Variants in RYR2 observed in about 807,000 individuals in gnomAD.
The protein encoded by RYR2 is ryanodine receptor 2.
A neutral mutation model predicts 601.1 loss-of-function variants in RYR2; 227 were observed. The observed-to-expected ratio is 0.38, with a 90% CI of 0.34 to 0.42. The LOEUF (loss-of-function observed/expected upper bound fraction) is 0.42. RYR2 is among the 10% of genes least tolerant of loss of function. The probability of loss-of-function intolerance (pLI) is 1.00; values close to 1 mark genes in which losing one functional copy is unlikely to be tolerated. For synonymous variants in RYR2, 2,223 were observed against 2,175.1 expected (o/e 1.02, Z -0.61); for missense variants, 4,646 against 6,156.5 (o/e 0.75, Z 8.21).
At chr1:237,526,890 A>G (rs916991370) in intron 24 of RYR2, among the ~76,000 whole-genome samples, 3 of 152,144 alleles carry the variant, frequency 2.0e-5, no homozygotes, top group Non-Finnish European at 4.4e-5. Flanking sequence ...CATAAACTCT[A>G]CCTAGGCCAA....
At chr1:237,769,785 T>G (rs1431077288) in intron 84 of RYR2, among the ~76,000 whole-genome samples, 1 of 151,980 alleles carries the variant, frequency 6.6e-6, no homozygotes. Flanking sequence ...TTCACTGGCT[T>G]TTTTGTCATT....
intron 22 of RYR2, among the ~76,000 whole-genome samples, chr1:237,503,811 G>A (rs556690398): frequency 7.9e-4 from 120 of 152,170 alleles, no homozygotes; most frequent in African/African-American, 2.8e-3. Context: ...GGGTTCAAGC[G>A]ATTCTCCTGT....
chr1:237,511,995 G>T (rs1184872189), intron 24 of RYR2, among the ~76,000 whole-genome samples: 1 of 152,042 alleles, frequency 6.6e-6, no homozygotes, highest in Non-Finnish European at 1.5e-5. Flanking sequence ...ATGTCCTCTT[G>T]TTCTACATCA....
chr1:237,378,917 C>T (rs78095833), intron 8 of RYR2, among the ~76,000 whole-genome samples: 2,279 of 152,258 alleles, frequency 0.015, 21 homozygotes, highest in South Asian at 0.031. Context: ...TCTGATGTTG[C>T]GTAGCTATAG....
chr1:237,551,589 C>T (rs1164778203), intron 27 of RYR2, among the ~76,000 whole-genome samples: 1 of 151,108 alleles, frequency 6.6e-6, no homozygotes, highest in Admixed American at 6.6e-5. Context: ...ATCCGTTGCT[C>T]CTGCAGTCTG....
intron 89 of RYR2, 53 bp from the exon 90 acceptor site, chr1:237,783,622 G>A: frequency 9.1e-7 from 1 of 1,103,532 alleles, no homozygotes; most frequent in Non-Finnish European, 1.3e-6. Context: ...TCTTCTGTAT[G>A]ATCACTGATT....
chr1:237,712,224 AG>A (rs979420935), intron 71 of RYR2, among the ~76,000 whole-genome samples: 27 of 152,166 alleles, frequency 1.8e-4, no homozygotes, highest in African/African-American at 6.3e-4. Flanking sequence ...CAGGGCAAAC[AG>A]GTTTCTGATT....
chr1:237,177,905 T>A (rs1425251559), intron 1 of RYR2, among the ~76,000 whole-genome samples: 1 of 152,190 alleles, frequency 6.6e-6, no homozygotes, highest in African/African-American at 2.4e-5. Context: ...AAATTTCTTA[T>A]GTATGGAAAA....
At chr1:237,831,876 T>G (rs1443521015) in intron 104 of RYR2, among the ~76,000 whole-genome samples, 1 of 152,068 alleles carries the variant, frequency 6.6e-6, no homozygotes, top group Non-Finnish European at 1.5e-5. Context: ...TTTAATCAGA[T>G]AGATGATTTC....
At chr1:237,649,689 A>T (rs1270389382) in intron 49 of RYR2, among the ~76,000 whole-genome samples, 188 bp from the exon 50 acceptor site, 1 of 152,236 alleles carries the variant, frequency 6.6e-6, no homozygotes, top group African/African-American at 2.4e-5. Flanking sequence ...AACAATGGAT[A>T]GTTGATTGTT....
At chr1:237,220,682 G>A (rs1228945612) in intron 1 of RYR2, among the ~76,000 whole-genome samples, 1 of 152,148 alleles carries the variant, frequency 6.6e-6, no homozygotes, top group Non-Finnish European at 1.5e-5. Context: ...CCTTTTCAGA[G>A]TAGATTATTT....
At chr1:237,593,782 G>A in intron 33 of RYR2, 146 bp downstream of exon 33, 1 of 851,418 alleles carries the variant, frequency 1.2e-6, no homozygotes, top group Non-Finnish European at 1.8e-6. Context: ...TGTCGTTTTT[G>A]TTATTCATAC....
chr1:237,388,325 A>G, intron 10 of RYR2, 142 bp downstream of exon 10: 1 of 690,996 alleles, frequency 1.4e-6, no homozygotes. Flanking sequence ...GAAGTGATCC[A>G]TTTGTTGCCC....
intron 16 of RYR2, among the ~76,000 whole-genome samples, chr1:237,465,524 T>C (rs927263542): frequency 7.2e-5 from 11 of 152,164 alleles, no homozygotes; most frequent in Non-Finnish European, 1.3e-4. Flanking sequence ...TGGGAACAGT[T>C]CTAAGGAATA....
chr1:237,534,200 T>C (rs1456193389), intron 25 of RYR2, among the ~76,000 whole-genome samples: 1 of 151,386 alleles, frequency 6.6e-6, no homozygotes, highest in Non-Finnish European at 1.5e-5. Context: ...CTAAATAAAA[T>C]TGACCTTAAA....
chr1:237,370,661 A>ATTTT (rs141088160), intron 6 of RYR2, among the ~76,000 whole-genome samples: 1 of 133,644 alleles, frequency 7.5e-6, no homozygotes, highest in Non-Finnish European at 1.6e-5. Context: ...GTTTCATTCC[A>ATTTT]TTTTTTTTTT....
In RYR2 at chr1:237,627,720, T is replaced by C. The variant is rs1679827931; in HGVS notation, c.6167-87T>C. 2.2e-6 allele frequency: 3 copies of C among 1,336,252 alleles called. No individual in the cohort carries two copies. The South Asian group carries it at 4.7e-5, about 21-fold the overall frequency. 82.8% of individuals were successfully genotyped at this position (1,336,252 alleles called of 1,614,324 possible). A position where few individuals can be genotyped will look rare whatever the true frequency, so the allele number is the denominator to read the frequency against. On this transcript the variant is annotated intron_variant, in intron 40 of 104. Coordinates refer to ENST00000366574, the MANE Select transcript of RYR2 (RefSeq NM_001035.3). ...CCTGGTACAAATAGAAATACCAATTTGGGGGTACAGGATATGGACTTGAAA... is the reference window on the plus strand; with the variant it reads ...CCTGGTACAAATAGAAATACCAATTCGGGGGTACAGGATATGGACTTGAAA...
At chr1:237,817,315 A>T (rs1165725117) in intron 100 of RYR2, among the ~76,000 whole-genome samples, 1 of 152,120 alleles carries the variant, frequency 6.6e-6, no homozygotes, top group East Asian at 1.9e-4. Flanking sequence ...GAGCATTTTG[A>T]TATCACCTTG....
chr1:237,111,753 C>A (rs1669505339), intron 1 of RYR2, among the ~76,000 whole-genome samples: 1 of 152,158 alleles, frequency 6.6e-6, no homozygotes, highest in South Asian at 2.1e-4. Flanking sequence ...GCAAGGGTAA[C>A]AGAAAGCTCT....
Sources: gnomAD v4.1 joint callset for allele counts (sites outside exome capture counted in the v4.1 genomes callset) on GRCh38, gnomAD v4.1.1 for gene constraint, MANE v1.5 for transcripts, NCBI Gene and HGNC (gene_info 2026-07-23, HGNC 2026-07-21) for gene names.